The following ARHGAP22 variants were observed in gnomAD, a reference collection of about 807,000 sequenced individuals.
ARHGAP22 encodes the protein rho GTPase-activating protein 22.
In ARHGAP22, 48 loss-of-function variants were observed where a neutral mutation model predicts 59.1. The observed-to-expected ratio is 0.81, with a 90% CI of 0.64 to 1.03. ARHGAP22 has a LOEUF of 1.03. ARHGAP22 is among the 50% of genes least tolerant of loss of function. The pLI is 0.00. For synonymous variants in ARHGAP22, 445 were observed against 416.4 expected (o/e 1.07, Z -0.84); for missense variants, 1,015 against 958.7 (o/e 1.06, Z -0.78).
intron 3 of ARHGAP22, among the ~76,000 whole-genome samples, chr10:48,533,295 A>T (rs976376498): frequency 6.6e-6 from 1 of 151,684 alleles, no homozygotes; most frequent in Non-Finnish European, 1.5e-5. Context: ...TCTAGATCCC[A>T]TAAGGACTGG....
At chr10:48,576,665 G>C (rs978788313) in intron 2 of ARHGAP22, among the ~76,000 whole-genome samples, 21 of 152,110 alleles carry the variant, frequency 1.4e-4, no homozygotes, top group South Asian at 4.1e-4. Flanking sequence ...AGAATCAAGA[G>C]TTCTACACGG....
chr10:48,519,495 T>G (rs2053606641), intron 3 of ARHGAP22, among the ~76,000 whole-genome samples: 1 of 152,230 alleles, frequency 6.6e-6, no homozygotes, highest in African/African-American at 2.4e-5. Flanking sequence ...AACAATAGGC[T>G]GGGGCCAGCC....
At chr10:48,586,502 C>T (rs779803654) in intron 1 of ARHGAP22, among the ~76,000 whole-genome samples, 3 of 152,188 alleles carry the variant, frequency 2.0e-5, no homozygotes, top group East Asian at 3.8e-4. Context: ...TAAAGCTGGG[C>T]TCCCAGCAGT....
chr10:48,654,806 CTTTCTTTCTTTCTTT>C (rs2062703507), upstream of ARHGAP22, among the ~76,000 whole-genome samples: 14 of 131,346 alleles, frequency 1.1e-4, no homozygotes, highest in East Asian at 2.1e-4. Flanking sequence ...TTCTTTCTTT[CTTTCTTTCTTTCTTT>C]CTTTCTTCCT....
intron 1 of ARHGAP22, 96 bp from the exon 2 acceptor site, chr10:48,583,248 C>A (rs2059227306): frequency 2.1e-6 from 3 of 1,420,330 alleles, no homozygotes; most frequent in Admixed American, 2.0e-5. Flanking sequence ...GTGACTGAGG[C>A]ATGGGAGCCC....
chr10:48,559,287 A>G (rs1200412465), intron 2 of ARHGAP22, among the ~76,000 whole-genome samples: 1 of 151,952 alleles, frequency 6.6e-6, no homozygotes, highest in African/African-American at 2.4e-5. Context: ...ATAGATTTCC[A>G]CAAATGTTGG....
downstream of ARHGAP22, among the ~76,000 whole-genome samples, chr10:48,441,731 C>T (rs978962275): frequency 1.4e-4 from 22 of 152,156 alleles, no homozygotes; most frequent in Non-Finnish European, 2.6e-4. Context: ...GGATTACAGG[C>T]GTGAGCCACC....
At chr10:48,485,170 C>G (rs953884039) in intron 3 of ARHGAP22, among the ~76,000 whole-genome samples, 1 of 152,192 alleles carries the variant, frequency 6.6e-6, no homozygotes, top group African/African-American at 2.4e-5. Flanking sequence ...GATTTCCACT[C>G]TGATCTTTAT....
intron 4 of ARHGAP22, among the ~76,000 whole-genome samples, chr10:48,466,257 G>C (rs1182951039): frequency 1.4e-5 from 1 of 70,990 alleles, no homozygotes; most frequent in East Asian, 7.5e-4. Flanking sequence ...GGGATCCTTT[G>C]CAAGTCCCTG....
intron 4 of ARHGAP22, among the ~76,000 whole-genome samples, chr10:48,478,693 G>A (rs1208766135): frequency 6.6e-6 from 1 of 152,168 alleles, no homozygotes; most frequent in African/African-American, 2.4e-5. Flanking sequence ...CACTTCATAT[G>A]GACACCGACC....
At chr10:48,554,838 C>T (rs11815001) in intron 3 of ARHGAP22, among the ~76,000 whole-genome samples, 2,779 of 152,270 alleles carry the variant, frequency 0.018, 73 homozygotes, top group African/African-American at 0.062. Flanking sequence ...GACTCCCTTC[C>T]TCATGCCAGA....
intron 3 of ARHGAP22, among the ~76,000 whole-genome samples, chr10:48,521,050 A>C (rs960932520): frequency 1.3e-5 from 2 of 152,150 alleles, no homozygotes; most frequent in African/African-American, 4.8e-5. Flanking sequence ...ATGCCCCAGA[A>C]ACAATACCCT....
At chr10:48,549,057 A>G (rs967594906) in intron 3 of ARHGAP22, among the ~76,000 whole-genome samples, 3 of 152,234 alleles carry the variant, frequency 2.0e-5, no homozygotes, top group Admixed American at 6.5e-5. Context: ...GGTGAGGATA[A>G]ACGTGGTGTG....
At chr10:48,578,813 A>C (rs1372279814) in intron 2 of ARHGAP22, among the ~76,000 whole-genome samples, 1 of 151,968 alleles carries the variant, frequency 6.6e-6, no homozygotes, top group Non-Finnish European at 1.5e-5. Flanking sequence ...TAGGAATTAT[A>C]TCTCTCTGTT....
intron 4 of ARHGAP22, among the ~76,000 whole-genome samples, chr10:48,477,899 C>G (rs1318273986): frequency 6.6e-6 from 1 of 152,192 alleles, no homozygotes; most frequent in Non-Finnish European, 1.5e-5. Context: ...TTGCAAACGC[C>G]TTCACCCAAT....
chr10:48,508,322 C>A (rs573419825), intron 3 of ARHGAP22, among the ~76,000 whole-genome samples: 5 of 152,226 alleles, frequency 3.3e-5, no homozygotes, highest in Non-Finnish European at 7.3e-5. Context: ...TTACTGGGGA[C>A]ATGTTGGGGA....
chr10:48,547,709 C>A (rs1050934330), intron 3 of ARHGAP22, among the ~76,000 whole-genome samples: 1 of 152,310 alleles, frequency 6.6e-6, no homozygotes. Flanking sequence ...TCGGGCTAAT[C>A]CTCAGCACTG....
chr10:48,434,866 T>A, the ARHGAP22 span: 1 of 1,590,862 alleles, frequency 6.3e-7, no homozygotes, highest in Non-Finnish European at 8.6e-7. Context: ...ATTTGCTGTT[T>A]TGTTTCTCAT....
chr10:48,542,437 C>T (rs2056046343), intron 3 of ARHGAP22, among the ~76,000 whole-genome samples: 1 of 152,190 alleles, frequency 6.6e-6, no homozygotes, highest in Admixed American at 6.5e-5. Context: ...TAAGTGAAGT[C>T]GAGTGGGCCA....
Sources: allele counts gnomAD v4.1 joint callset (sites outside exome capture counted in the v4.1 genomes callset), GRCh38; gene constraint gnomAD v4.1.1; transcripts MANE v1.5; gene names NCBI Gene and HGNC (gene_info 2026-07-23, HGNC 2026-07-21).